The following CFAP299 variants were observed in gnomAD, a reference collection of about 807,000 sequenced individuals.
The protein encoded by CFAP299 is cilia- and flagella-associated protein 299.
CFAP299 carries 21 observed loss-of-function variants against 27.0 expected under a neutral mutation model. The ratio of observed to expected loss-of-function variants is 0.78; its 90% CI spans 0.55 to 1.12. The LOEUF is 1.12. Ranked by LOEUF, CFAP299 falls within the 50% of genes most tolerant of loss-of-function variation. The pLI, the probability that CFAP299 is intolerant of heterozygous loss-of-function variation, is 0.00. For synonymous variants in CFAP299, 104 were observed against 98.1 expected, an observed-to-expected ratio of 1.06 and a Z score of -0.36; for missense variants, 310 against 276.6, an observed-to-expected ratio of 1.12 and a Z score of -0.86.
intron 3 of CFAP299, among the ~76,000 whole-genome samples, chr4:80,653,287 C>T (rs1740399669): frequency 6.6e-6 from 1 of 152,210 alleles, no homozygotes; most frequent in South Asian, 2.1e-4. Context: ...AAGCCATTTC[C>T]TCCTCACCTC....
intron 3 of CFAP299, among the ~76,000 whole-genome samples, chr4:80,868,905 C>CTCTCTG (rs1435285713): frequency 1.0e-3 from 141 of 137,672 alleles, no homozygotes; most frequent in African/African-American, 3.4e-3. Flanking sequence ...GCTTCTCTCT[C>CTCTCTG]TGTGTGTGTG....
chr4:80,476,960 C>CGCGCGTGTGT (rs1553926298), intron 2 of CFAP299, among the ~76,000 whole-genome samples: 11 of 106,568 alleles, frequency 1.0e-4, no homozygotes, highest in Admixed American at 4.4e-4. Context: ...TGTGCGCATG[C>CGCGCGTGTGT]GTGTGTGTGT....
chr4:80,501,088 G>A (rs1362971646), intron 2 of CFAP299, among the ~76,000 whole-genome samples: 2 of 152,060 alleles, frequency 1.3e-5, no homozygotes, highest in South Asian at 2.1e-4. Flanking sequence ...AGTTTAAAAT[G>A]TGTGGTCATA....
intron 3 of CFAP299, among the ~76,000 whole-genome samples, chr4:80,585,684 A>G (rs1011883533): frequency 6.6e-6 from 1 of 152,150 alleles, no homozygotes; most frequent in Non-Finnish European, 1.5e-5. Flanking sequence ...GTGATCAGAC[A>G]TGCAACTTAA....
chr4:80,642,600 C>A (rs1739783764), intron 3 of CFAP299, among the ~76,000 whole-genome samples: 1 of 151,946 alleles, frequency 6.6e-6, no homozygotes, highest in African/African-American at 2.4e-5. Context: ...CCCAACTCTA[C>A]TAAAAATACA....
intron 3 of CFAP299, among the ~76,000 whole-genome samples, chr4:80,625,009 GA>G (rs1738809199): frequency 6.6e-6 from 1 of 151,830 alleles, no homozygotes. Flanking sequence ...CAAGGTGAAA[GA>G]AAAAAACACT....
intron 2 of CFAP299, among the ~76,000 whole-genome samples, chr4:80,508,738 T>C (rs1732151826): frequency 6.6e-6 from 1 of 152,094 alleles, no homozygotes; most frequent in Non-Finnish European, 1.5e-5. Context: ...TAAAATTTCT[T>C]GCAGAGACCA....
chr4:80,687,838 G>T (rs1163435584), intron 3 of CFAP299, among the ~76,000 whole-genome samples: 1 of 152,206 alleles, frequency 6.6e-6, no homozygotes, highest in Non-Finnish European at 1.5e-5. Flanking sequence ...CGCGCACCGT[G>T]CGCAAGCCGA....
intron 2 of CFAP299, among the ~76,000 whole-genome samples, chr4:80,575,800 G>A (rs965951127): frequency 8.6e-5 from 13 of 151,844 alleles, no homozygotes; most frequent in African/African-American, 2.9e-4. Context: ...TACTGCTTTC[G>A]CTGAATCCCA....
At chr4:80,440,570 A>T (rs1161522268) in intron 2 of CFAP299, among the ~76,000 whole-genome samples, 1 of 152,258 alleles carries the variant, frequency 6.6e-6, no homozygotes, top group Admixed American at 6.5e-5. Context: ...TCAAAGATCA[A>T]CAGAAGATTT....
chr4:80,570,544 GA>G (rs2110233744), intron 2 of CFAP299, among the ~76,000 whole-genome samples: 1 of 152,176 alleles, frequency 6.6e-6, no homozygotes, highest in South Asian at 2.1e-4. Flanking sequence ...AAAGCACTCT[GA>G]GGTTGCTTAA....
chr4:80,391,004 T>G (rs897262392), intron 2 of CFAP299, among the ~76,000 whole-genome samples: 1 of 124,838 alleles, frequency 8.0e-6, no homozygotes, highest in African/African-American at 2.8e-5. Flanking sequence ...TATATATGTA[T>G]GTACACACAT....
intron 2 of CFAP299, among the ~76,000 whole-genome samples, chr4:80,430,190 C>G (rs1727741009): frequency 6.6e-6 from 1 of 151,876 alleles, no homozygotes; most frequent in African/African-American, 2.4e-5. Flanking sequence ...CTGTTCTAGT[C>G]CCTGAGAATT....
chr4:80,913,944 G>C (rs774601090), intron 4 of CFAP299, among the ~76,000 whole-genome samples: 3 of 152,272 alleles, frequency 2.0e-5, no homozygotes, highest in East Asian at 3.9e-4. Context: ...GAACTGAACA[G>C]TCTGTACTGT....
Position 80,742,835 on chromosome 4 carries a change from C to T in CFAP299, c.334-127158C>T, listed in dbSNP as rs146795303. On this transcript the variant is annotated intron_variant, in intron 3 of 5. Coordinates refer to ENST00000358105, the MANE Select transcript of CFAP299 (RefSeq NM_152770.3). ...GATCTTAATTCAGTTGACATGTAGA[C>T]ACCCCCAGTGTCCTATTTTTGAAAG... Among the ~76,000 whole-genome samples the T allele has an allele frequency of 2.7e-3, 404 of 152,284 alleles. 6 individuals carry two copies. Among genetic ancestry groups the T allele is most frequent in the African/African-American group, 9.4e-3 (389 of 41,546 alleles).
chr4:80,730,515 C>G (rs991047442), intron 3 of CFAP299, among the ~76,000 whole-genome samples: 1 of 150,586 alleles, frequency 6.6e-6, no homozygotes, highest in Non-Finnish European at 1.5e-5. Context: ...ACAGTGGCTA[C>G]CAGCTAAGCT....
chr4:80,928,636 G>A (rs1000403882), intron 4 of CFAP299, among the ~76,000 whole-genome samples: 1 of 152,080 alleles, frequency 6.6e-6, no homozygotes, highest in Non-Finnish European at 1.5e-5. Context: ...GCAGGAAGGA[G>A]AGAATATATT....
chr4:80,888,425 G>T (rs1055968778), intron 4 of CFAP299, among the ~76,000 whole-genome samples: 8 of 151,986 alleles, frequency 5.3e-5, no homozygotes, highest in African/African-American at 1.9e-4. Context: ...AATTTGGCAA[G>T]ATAATTTAAT....
intron 1 of CFAP299, among the ~76,000 whole-genome samples, chr4:80,339,998 T>G (rs1354802628): frequency 3.9e-5 from 6 of 152,166 alleles, no homozygotes; most frequent in Non-Finnish European, 5.9e-5. Context: ...CTTAGGGCAT[T>G]GTCTTCCCAT....
Sources: gnomAD v4.1 joint callset for allele counts (sites outside exome capture counted in the v4.1 genomes callset) on GRCh38, gnomAD v4.1.1 for gene constraint, MANE v1.5 for transcripts, NCBI Gene and HGNC (gene_info 2026-07-23, HGNC 2026-07-21) for gene names.